AHCYL1: variants seen among roughly 807,000 people sequenced by gnomAD.
The protein encoded by AHCYL1 is adenosylhomocysteinase like 1.
In AHCYL1, 20 loss-of-function variants were observed where a neutral mutation model predicts 79.3. The observed-to-expected ratio is 0.25, with a 90% CI of 0.18 to 0.37. The LOEUF (loss-of-function observed/expected upper bound fraction) is 0.37, where lower values mean the gene tolerates loss of function less well. Among genes scored for constraint, AHCYL1 ranks in the 10% least tolerant of loss-of-function variants. The pLI is 1.00. For synonymous variants in AHCYL1, 223 were observed against 242.2 expected, an observed-to-expected ratio of 0.92 and a Z score of 0.74; for missense variants, 330 against 673.6, an observed-to-expected ratio of 0.49 and a Z score of 5.65.
At chr1:109,991,016 G>A (rs533938723) in intron 1 of AHCYL1, among the ~76,000 whole-genome samples, 3 of 151,380 alleles carry the variant, frequency 2.0e-5, no homozygotes, top group Admixed American at 1.3e-4. Flanking sequence ...CTGTAGAAAT[G>A]TGTGGCCTTT....
In AHCYL1 at chr1:110,008,926, A is replaced by G. The variant is rs1040770568; in HGVS notation, c.121-108A>G. On this transcript the variant is annotated intron_variant, in intron 1 of 16. Transcript: ENST00000369799. ...TGGGAAAGTTGCTGGCTTAGTAGGA[A>G]CCATGTGATTACATGGCTTTTAGGG... The G allele has an allele frequency of 6.4e-6, 5 of 785,162 alleles. No homozygotes were observed. The African/African-American group carries it at 7.0e-5, about 11-fold the overall frequency. The allele number at this position is 785,162 out of a possible 1,614,324, so 48.6% of individuals were successfully genotyped here. A position where few individuals can be genotyped will look rare whatever the true frequency, so the allele number is the denominator to read the frequency against.
chr1:110,008,893 A>T, intron 1 of AHCYL1, 141 bp from the exon 2 acceptor site: 1 of 584,042 alleles, frequency 1.7e-6, no homozygotes, highest in South Asian at 2.0e-5. Flanking sequence ...GCCTTCCCCC[A>T]TTTCTGGTGG....
intron 1 of AHCYL1, chr1:110,004,208 G>T: frequency 1.0e-6 from 1 of 985,642 alleles, no homozygotes; most frequent in Non-Finnish European, 1.2e-6. Context: ...GCGGGAGTCG[G>T]CGGGGGAAGA....
At chr1:110,007,759 C>A (rs984211960) in intron 1 of AHCYL1, among the ~76,000 whole-genome samples, 4 of 152,150 alleles carry the variant, frequency 2.6e-5, no homozygotes, top group Non-Finnish European at 5.9e-5. Flanking sequence ...TTAGTCAGAT[C>A]GTGAACAGAA....
chr1:110,005,759 TAA>T (rs11349395), intron 1 of AHCYL1, among the ~76,000 whole-genome samples: 17 of 142,506 alleles, frequency 1.2e-4, no homozygotes, highest in African/African-American at 3.1e-4. Context: ...CTTCTAATGG[TAA>T]AAAAAAAAAA....
At chr1:110,011,447 T>G in intron 3 of AHCYL1, 90 bp downstream of exon 3, 1 of 1,541,388 alleles carries the variant, frequency 6.5e-7, no homozygotes, top group Non-Finnish European at 8.8e-7. Context: ...AAAGCTGACT[T>G]GAAAGTGTAC....
chr1:110,012,921 C>G lies in AHCYL1; in HGVS notation c.502C>G (p.Leu168Val). The G allele has an allele frequency of 1.2e-6, 2 of 1,612,630 alleles. No homozygotes were observed. Among genetic ancestry groups the G allele is most frequent in the Non-Finnish European group, 1.7e-6 (2 of 1,179,676 alleles). Residue 168 changes from leucine to valine, a missense_variant, in exon 5 of 17, where the codon CTG (leucine) becomes GTG (valine). Around this residue, in one of 6 missense-constraint regions of AHCYL1, gnomAD observed 97 missense variants for 176.3 expected, o/e 0.55. Transcript: ENST00000369799. ...TAVLIETLCA[L>V]GAQCRWSACN... ...GGTGTTGATTGAGACACTCTGTGCC[C>G]TGGGGGCTCAGTGCCGCTGGTCTGC... is the stretch of plus-strand genomic sequence containing the variant.
intron 11 of AHCYL1, 121 bp downstream of exon 11, chr1:110,018,137 G>A: frequency 6.9e-6 from 8 of 1,151,744 alleles, no homozygotes; most frequent in Non-Finnish European, 1.0e-5. Flanking sequence ...ACTAGAATAA[G>A]CTATCAGAAC....
At chr1:109,992,243 C>G (rs1649800046) in intron 1 of AHCYL1, among the ~76,000 whole-genome samples, 1 of 151,868 alleles carries the variant, frequency 6.6e-6, no homozygotes, top group South Asian at 2.1e-4. Context: ...CCCATCTCTA[C>G]TAAAAACACA....
intron 1 of AHCYL1, among the ~76,000 whole-genome samples, chr1:109,987,963 T>G (rs1450602972): frequency 6.6e-6 from 1 of 152,228 alleles, no homozygotes; most frequent in East Asian, 1.9e-4. Flanking sequence ...AAAAGTCTAT[T>G]CGTATATTTA....
At chr1:110,014,674 C>T in intron 5 of AHCYL1, 89 bp from the exon 6 acceptor site, 20 of 965,408 alleles carry the variant, frequency 2.1e-5, no homozygotes, top group East Asian at 1.0e-4. Context: ...TTTCTTTTGC[C>T]TTTTTCTCTT....
rs974578065 is a variant in AHCYL1 at position 110,021,784 on chromosome 1, T to G, written c.*104T>G. 5.5e-6 allele frequency: 7 copies of G among 1,276,156 alleles called. No individual in the cohort carries two copies. The highest frequency in any genetic ancestry group is 6.6e-6 in the Non-Finnish European group (6 of 908,352). The allele number at this position is 1,276,156 out of a possible 1,614,324, so 79.1% of individuals were successfully genotyped here. On this transcript the variant is annotated 3_prime_UTR_variant, in exon 17 of 17. Transcript: ENST00000369799. ...TCTTACTCCTTTCCTCTTGATTTTTTTCCTATAATTTCATTCTTGTTTTTT... is the reference window on the plus strand; with the variant it reads ...TCTTACTCCTTTCCTCTTGATTTTTGTCCTATAATTTCATTCTTGTTTTTT...
At position 110,009,715 on chromosome 1, in the gene AHCYL1, C is replaced by G. The variant is rs182551527; in HGVS notation, c.232+570C>G. ...CTCTGTTTCTTTTTAGTTCTCTCCT[C>G]CTGTCTTAACTCTCTGTAAATAAAG... On this transcript the variant is annotated intron_variant, in intron 2 of 16. Transcript: ENST00000369799. Among the ~76,000 whole-genome samples the G allele has an allele frequency of 2.6e-5, 4 of 152,314 alleles. No individual in the cohort carries two copies. In the East Asian group the frequency reaches 5.8e-4, roughly 22 times the overall value.
intron 1 of AHCYL1, chr1:109,985,420 A>G (rs1649417521): frequency 1.6e-6 from 2 of 1,225,952 alleles, no homozygotes; most frequent in East Asian, 8.2e-5. Flanking sequence ...GCCAGGCCTT[A>G]AATTTGCGAC....
At position 110,021,831 on chromosome 1, in the gene AHCYL1, C is replaced by T. The variant is rs1226429874; in HGVS notation, c.*151C>T. 22 of 756,246 alleles carry T rather than the reference C, an allele frequency of 2.9e-5. No individual in the cohort carries two copies. The highest frequency in any genetic ancestry group is 1.4e-4 in the Admixed American group (5 of 35,560). The allele number at this position is 756,246 out of a possible 1,614,324, so 46.8% of individuals were successfully genotyped here. A position where few individuals can be genotyped will look rare whatever the true frequency, so the allele number is the denominator to read the frequency against. The stretch of plus-strand genomic sequence containing the variant: ...TTTTCATCTCATTATCCAAGTTCTG[C>T]AGACCACACAGGAACTTGCTTCATG... On this transcript the variant is annotated 3_prime_UTR_variant, in exon 17 of 17. Transcript: ENST00000369799.
intron 1 of AHCYL1, among the ~76,000 whole-genome samples, chr1:110,004,921 GAA>G (rs1650551126): frequency 6.6e-6 from 1 of 152,186 alleles, no homozygotes; most frequent in African/African-American, 2.4e-5. Flanking sequence ...TAGGAATCTT[GAA>G]AAGTGTTCTG....
In AHCYL1 at chr1:110,016,588, G is replaced by T; in HGVS notation, c.900-79G>T. On this transcript the variant is annotated intron_variant, in intron 8 of 16. Transcript: ENST00000369799. ...CCAATTGATATTCTCATGGGCATTG[G>T]CCCACACTTTTAACTTTGTGAAGAG... is the stretch of plus-strand genomic sequence containing the variant. The T allele has an allele frequency of 1.9e-6, 3 of 1,595,486 alleles. No homozygotes were observed. In the South Asian group the frequency reaches 3.3e-5, roughly 18 times the overall value.
intron 1 of AHCYL1, among the ~76,000 whole-genome samples, chr1:110,003,003 A>G (rs758807521): frequency 1.1e-4 from 16 of 151,926 alleles, no homozygotes; most frequent in Admixed American, 4.6e-4. Context: ...GGTGGGAGAC[A>G]TTGGAGAGAC....
At chr1:110,015,553 G>A (rs1188635358) in intron 7 of AHCYL1, 22 bp downstream of exon 7, 1 of 1,602,422 alleles carries the variant, frequency 6.2e-7, no homozygotes, top group Admixed American at 1.7e-5. Flanking sequence ...TGGAGTAGCT[G>A]CCCCTTGTGT....
Sources: allele counts gnomAD v4.1 joint callset (sites outside exome capture counted in the v4.1 genomes callset), GRCh38; gene constraint gnomAD v4.1.1; regional missense constraint gnomAD v4.1.1; transcripts MANE v1.5; gene names NCBI Gene and HGNC (gene_info 2026-07-23, HGNC 2026-07-21).